MSRA: variants seen among roughly 807,000 people sequenced by gnomAD.
MSRA encodes methionine sulfoxide reductase A, also known as mitochondrial peptide methionine sulfoxide reductase.
A neutral mutation model predicts 31.3 loss-of-function variants in MSRA; 54 were observed. That is an observed-to-expected ratio of 1.73 (90% CI 1.39 to 2.17). The LOEUF (loss-of-function observed/expected upper bound fraction) is 2.17, where lower values mean the gene tolerates loss of function less well. Ranked by LOEUF, MSRA falls within the 30% of genes most tolerant of loss-of-function variation. The pLI, the probability that MSRA is intolerant of heterozygous loss-of-function variation, is 0.00. For synonymous variants in MSRA, 169 were observed against 116.5 expected, an observed-to-expected ratio of 1.45 and a Z score of -2.90; for missense variants, 507 against 300.9, an observed-to-expected ratio of 1.69 and a Z score of -5.07.
At chr8:10,340,248 G>C (rs1049765153) in intron 5 of MSRA, among the ~76,000 whole-genome samples, 1 of 152,086 alleles carries the variant, frequency 6.6e-6, no homozygotes, top group Admixed American at 6.5e-5. Context: ...GCTGACCCCA[G>C]GTGTCCGTGC....
intron 1 of MSRA, among the ~76,000 whole-genome samples, chr8:10,074,231 C>T (rs947756563): frequency 6.6e-6 from 1 of 151,420 alleles, no homozygotes; most frequent in African/African-American, 2.4e-5. Flanking sequence ...TACATGCACC[C>T]GCCACCATGC....
At chr8:10,163,520 G>T (rs1804852479) in intron 1 of MSRA, among the ~76,000 whole-genome samples, 1 of 152,204 alleles carries the variant, frequency 6.6e-6, no homozygotes, top group South Asian at 2.1e-4. Flanking sequence ...TTCACCTTGG[G>T]AGGGCATCAC....
chr8:10,107,148 A>G (rs1314248837), intron 1 of MSRA, among the ~76,000 whole-genome samples: 1 of 152,136 alleles, frequency 6.6e-6, no homozygotes, highest in Non-Finnish European at 1.5e-5. Context: ...GACTGTTAGG[A>G]GAGGAGAAAG....
At chr8:10,259,568 C>T (rs538920128) in intron 3 of MSRA, among the ~76,000 whole-genome samples, 1 of 152,140 alleles carries the variant, frequency 6.6e-6, no homozygotes, top group Non-Finnish European at 1.5e-5. Flanking sequence ...CTCCCTTTCC[C>T]CATTCCCATT....
chr8:10,255,394 A>G (rs1798123890), intron 3 of MSRA, among the ~76,000 whole-genome samples: 4 of 152,212 alleles, frequency 2.6e-5, no homozygotes, highest in Admixed American at 2.6e-4. Context: ...CAGGTTTTGC[A>G]GCAAGGTCCC....
In MSRA at chr8:10,391,661, G is replaced by C. The variant is rs529616347; in HGVS notation, c.544-36487G>C. Among the ~76,000 whole-genome samples the C allele has an allele frequency of 7.2e-5, 11 of 152,314 alleles. No individual in the cohort carries two copies. The South Asian group carries it at 2.3e-3, about 32-fold the overall frequency. ...CACACTGGCCATCTGACCTGAGGCT[G>C]AGCGTGGGCTAGGAGTCGGTTCTTC... On this transcript the variant is annotated intron_variant, in intron 5 of 5. Transcript: ENST00000317173.
intron 4 of MSRA, among the ~76,000 whole-genome samples, chr8:10,303,658 C>A (rs1800969021): frequency 1.3e-5 from 2 of 152,222 alleles, no homozygotes; most frequent in African/African-American, 4.8e-5. Context: ...CCCCACCCTT[C>A]TGCCTCTCTT....
At chr8:10,056,154 C>G (rs765134865) in intron 1 of MSRA, among the ~76,000 whole-genome samples, 2 of 148,992 alleles carry the variant, frequency 1.3e-5, no homozygotes, top group African/African-American at 5.0e-5. Context: ...TGCTATACTT[C>G]CCGTTCACAC....
At chr8:10,304,144 C>G (rs556807938) in intron 4 of MSRA, among the ~76,000 whole-genome samples, 28 of 152,260 alleles carry the variant, frequency 1.8e-4, no homozygotes, top group African/African-American at 6.7e-4. Context: ...ACCATGTTGG[C>G]CAGGCTGGTC....
chr8:10,315,153 G>A (rs1801640471), intron 4 of MSRA, among the ~76,000 whole-genome samples: 1 of 152,142 alleles, frequency 6.6e-6, no homozygotes, highest in African/African-American at 2.4e-5. Flanking sequence ...GGAAAGACCT[G>A]CCCCCCGTGA....
intron 5 of MSRA, among the ~76,000 whole-genome samples, chr8:10,423,538 C>T (rs1212321152): frequency 6.6e-6 from 1 of 152,104 alleles, no homozygotes; most frequent in Non-Finnish European, 1.5e-5. Context: ...AGCAGAGGAA[C>T]CATCTGTAAC....
At chr8:10,323,178 A>C (rs28507813) in intron 5 of MSRA, among the ~76,000 whole-genome samples, 1 of 151,728 alleles carries the variant, frequency 6.6e-6, no homozygotes, top group Admixed American at 6.6e-5. Context: ...GAACTGTCCA[A>C]CCAGGCAGGA....
intron 5 of MSRA, among the ~76,000 whole-genome samples, chr8:10,426,403 A>C (rs965348533): frequency 2.0e-4 from 30 of 152,260 alleles, no homozygotes; most frequent in Non-Finnish European, 5.9e-5. Context: ...GAAGTTACTG[A>C]AATTGCCAAA....
At chr8:10,125,019 T>C (rs560127032) in intron 1 of MSRA, among the ~76,000 whole-genome samples, 1 of 152,370 alleles carries the variant, frequency 6.6e-6, no homozygotes, top group African/African-American at 2.4e-5. Flanking sequence ...ACTAAGGTGC[T>C]TTGATGCAAT....
At chr8:10,255,196 A>C (rs2975696) in intron 3 of MSRA, among the ~76,000 whole-genome samples, 92,580 of 152,084 alleles carry the variant, frequency 0.61, 29,615 homozygotes, top group Non-Finnish European at 0.72. Context: ...CACGCAGTAA[A>C]ATGAGAAGGC....
chr8:10,178,858 C>T (rs544640373), intron 1 of MSRA, among the ~76,000 whole-genome samples: 1 of 152,252 alleles, frequency 6.6e-6, no homozygotes, highest in South Asian at 2.1e-4. Context: ...TTGAGAACTA[C>T]AGGATGGCAC....
rs141604162 is a variant in MSRA, at chr8:10,390,429, C to T, written c.544-37719C>T. Among the ~76,000 whole-genome samples the T allele has an allele frequency of 9.2e-4, 140 of 152,320 alleles. 1 individual carries two copies. The East Asian group carries it at 0.026, about 28-fold the overall frequency. On this transcript the variant is annotated intron_variant, in intron 5 of 5. Transcript: ENST00000317173. The stretch of plus-strand genomic sequence containing the variant: ...CTCCATGTCTGCCCAGGCTCCCCTG[C>T]GAGGGCCACTGGCACTTGCCTCTTA...
intron 1 of MSRA, among the ~76,000 whole-genome samples, chr8:10,166,651 C>G (rs74979979): frequency 0.073 from 11,172 of 152,212 alleles, 479 homozygotes; most frequent in African/African-American, 0.12. Context: ...GGCTGGGGAT[C>G]TGCATTTTTC....
chr8:10,146,372 C>T (rs932755071), intron 1 of MSRA, among the ~76,000 whole-genome samples: 1 of 152,142 alleles, frequency 6.6e-6, no homozygotes, highest in African/African-American at 2.4e-5. Flanking sequence ...AAGGGTGAAA[C>T]TGTGAGCAAA....
Sources: allele counts gnomAD v4.1 joint callset (sites outside exome capture counted in the v4.1 genomes callset), GRCh38; gene constraint gnomAD v4.1.1; transcripts MANE v1.5; gene names NCBI Gene and HGNC (gene_info 2026-07-23, HGNC 2026-07-21).